The following HNRNPH1 variants were observed in gnomAD, a reference collection of about 807,000 sequenced individuals.
HNRNPH1 encodes heterogeneous nuclear ribonucleoprotein H.
In HNRNPH1, 4 loss-of-function variants were observed where a neutral mutation model predicts 58.6. The observed-to-expected ratio is 0.07, with a 90% CI of 0.03 to 0.16. The LOEUF (loss-of-function observed/expected upper bound fraction) is 0.16. Ranked by LOEUF, HNRNPH1 falls within the 10% of genes least tolerant of loss-of-function variation. HNRNPH1 has a pLI of 1.00. For missense variants in HNRNPH1, 271 were observed against 564.2 expected (o/e 0.48, Z 5.26); for synonymous variants, 192 against 189.2 (o/e 1.01, Z -0.12).
At chr5:179,628,967 C>T (rs552646303), upstream of HNRNPH1, among the ~76,000 whole-genome samples, 4 of 151,860 alleles carry the variant, frequency 2.6e-5, no homozygotes, top group African/African-American at 7.3e-5. Flanking sequence ...GGTGACAGAG[C>T]GAGACTGTGC....
At chr5:179,616,786 T>A in intron 10 of HNRNPH1, 83 bp downstream of exon 11, 1 of 1,206,074 alleles carries the variant, frequency 8.3e-7, no homozygotes, top group Non-Finnish European at 1.2e-6. Flanking sequence ...GCTAAACTTA[T>A]TAAATAAATA....
At chr5:179,629,852 G>A (rs541385225) in intron 2 of HNRNPH1, among the ~76,000 whole-genome samples, 17 of 151,748 alleles carry the variant, frequency 1.1e-4, no homozygotes, top group East Asian at 5.9e-4. Context: ...GTGAAACCCC[G>A]TCTCTACTAA....
At chr5:179,629,760 C>T (rs575040197) in intron 2 of HNRNPH1, among the ~76,000 whole-genome samples, 2 of 152,286 alleles carry the variant, frequency 1.3e-5, no homozygotes, top group East Asian at 1.9e-4. Context: ...CAGTGGCTTA[C>T]GCCTGTAATC....
At chr5:179,623,426 T>C in exon 1 of HNRNPH1, 1 of 252,292 alleles carries the variant, frequency 4.0e-6, no homozygotes, top group Non-Finnish European at 8.0e-6. Flanking sequence ...CCGCTCCGCC[T>C]CCTCCGACTT....
intron 2 of HNRNPH1, 82 bp downstream of exon 3, chr5:179,621,156 GCAGT>G (rs1772128545): frequency 2.0e-6 from 3 of 1,485,938 alleles, no homozygotes; most frequent in Admixed American, 3.5e-5. Context: ...CCATTTCCAT[GCAGT>G]CAAATACCTA....
chr5:179,623,083 G>A, exon 1 of HNRNPH1: 1 of 1,607,490 alleles, frequency 6.2e-7, no homozygotes, highest in Non-Finnish European at 8.5e-7. Flanking sequence ...ACCAGGGCAA[G>A]CCCCGGACCT....
chr5:179,617,969 A>G lies in HNRNPH1; in HGVS notation c.787+20T>C. On this transcript the variant is annotated intron_variant, in intron 6 of 12. Transcript: ENST00000356731. ...AGAGTGTAAGCATCCTTCAACTGAG[A>G]AATTCAATTCTTACCTTACCTCTTC... is the stretch of plus-strand genomic sequence containing the variant. The G allele has an allele frequency of 6.2e-7, 1 of 1,614,084 alleles. No individual in the cohort carries two copies.
intron 2 of HNRNPH1, among the ~76,000 whole-genome samples, chr5:179,633,402 T>G (rs1234924937): frequency 6.7e-6 from 1 of 148,310 alleles, no homozygotes; most frequent in East Asian, 2.0e-4. Context: ...TTCACGCCAT[T>G]CTCCTGCCTC....
At chr5:179,616,302 C>T (rs1769620641) in intron 10 of HNRNPH1, 84 bp from the exon 12 acceptor site, 5 of 1,075,442 alleles carry the variant, frequency 4.6e-6, no homozygotes. Flanking sequence ...CTATAGCTAT[C>T]ATTTTCCAGT....
At chr5:179,621,917 T>C (rs1348845317) in intron 1 of HNRNPH1, 1 of 456,076 alleles carries the variant, frequency 2.2e-6, no homozygotes, top group East Asian at 6.9e-5. Context: ...TGTTGCCCCC[T>C]GCAAGGCGGC....
At chr5:179,626,126 G>A (rs1374524309), upstream of HNRNPH1, among the ~76,000 whole-genome samples, 1 of 144,614 alleles carries the variant, frequency 6.9e-6, no homozygotes, top group Non-Finnish European at 1.5e-5. Flanking sequence ...TTGTTTTTGA[G>A]ACAGTCTAAC....
intron 2 of HNRNPH1, among the ~76,000 whole-genome samples, chr5:179,630,038 A>G (rs1774708442): frequency 6.7e-6 from 1 of 149,928 alleles, no homozygotes; most frequent in African/African-American, 2.5e-5. Flanking sequence ...AAACAAAAAA[A>G]CAGAACCCTG....
At chr5:179,616,362 T>TA in intron 10 of HNRNPH1, 144 bp from the exon 12 acceptor site, 1 of 684,192 alleles carries the variant, frequency 1.5e-6, no homozygotes, top group East Asian at 2.7e-5. Context: ...CTACTGTCTA[T>TA]AACCAGGCCA....
chr5:179,632,317 A>C (rs1301479799), intron 2 of HNRNPH1, among the ~76,000 whole-genome samples: 1 of 151,200 alleles, frequency 6.6e-6, no homozygotes, highest in East Asian at 2.0e-4. Context: ...CAAAAAAAAA[A>C]AAAAGAAAAA....
chr5:179,626,542 C>G (rs914362124), upstream of HNRNPH1, among the ~76,000 whole-genome samples: 2 of 151,070 alleles, frequency 1.3e-5, no homozygotes, highest in African/African-American at 4.8e-5. Flanking sequence ...ATGGTGAAAC[C>G]CCGTCTCTAC....
chr5:179,627,074 C>A (rs1383904573), upstream of HNRNPH1, among the ~76,000 whole-genome samples: 6 of 152,288 alleles, frequency 3.9e-5, no homozygotes, highest in South Asian at 1.2e-3. Flanking sequence ...AGCCACTGCG[C>A]CCGGCTAATG....
intron 2 of HNRNPH1, among the ~76,000 whole-genome samples, chr5:179,633,555 ACCTG>A (rs1381070711): frequency 7.2e-6 from 1 of 137,992 alleles, no homozygotes; most frequent in Non-Finnish European, 1.5e-5. Context: ...CTCGTGATCC[ACCTG>A]CCTTGGCCTC....
chr5:179,621,084 A>G (rs776047762), intron 2 of HNRNPH1, 49 bp from the exon 4 acceptor site: 1 of 1,592,740 alleles, frequency 6.3e-7, no homozygotes, highest in South Asian at 1.1e-5. Flanking sequence ...TAGATAACAA[A>G]GTTCAGACTT....
chr5:179,615,639 C>T (rs752304084), intron 11 of HNRNPH1, 44 bp from the exon 13 acceptor site: 3 of 1,034,912 alleles, frequency 2.9e-6, no homozygotes, highest in South Asian at 2.8e-5. Flanking sequence ...ACCAAAATCA[C>T]CATTCTTTAG....
Sources: allele counts gnomAD v4.1 joint callset (sites outside exome capture counted in the v4.1 genomes callset), GRCh38; gene constraint gnomAD v4.1.1; transcripts MANE v1.5; gene names NCBI Gene and HGNC (gene_info 2026-07-23, HGNC 2026-07-21).